NIPSNAP2: variants seen among roughly 807,000 people sequenced by gnomAD.
NIPSNAP2 encodes protein NipSnap homolog 2.
A neutral mutation model predicts 48.4 loss-of-function variants in NIPSNAP2; 42 were observed. The ratio of observed to expected loss-of-function variants is 0.87; its 90% confidence interval spans 0.68 to 1.12. The LOEUF (loss-of-function observed/expected upper bound fraction) is 1.12. NIPSNAP2 is among the 50% of genes most tolerant of loss of function. The probability of loss-of-function intolerance (pLI) is 0.00; values close to 1 mark genes in which losing one functional copy is unlikely to be tolerated. For missense variants in NIPSNAP2, 314 were observed against 347.3 expected, an observed-to-expected ratio of 0.90 and a Z score of 0.76; for synonymous variants, 158 against 126.6, an observed-to-expected ratio of 1.25 and a Z score of -1.67.
At chr7:55,984,927 GT>G in intron 7 of NIPSNAP2, 49 bp downstream of exon 7, 1 of 1,454,168 alleles carries the variant, frequency 6.9e-7, no homozygotes, top group Non-Finnish European at 9.6e-7. Flanking sequence ...GAATAGATTA[GT>G]TTAGGCCATA....
intron 9 of NIPSNAP2, among the ~76,000 whole-genome samples, chr7:55,997,685 C>G (rs1787590660): frequency 6.6e-6 from 1 of 152,062 alleles, no homozygotes; most frequent in African/African-American, 2.4e-5. Flanking sequence ...TTTTCAGACC[C>G]TTGGATGTTG....
chr7:55,970,121 G>T (rs1220660733), intron 1 of NIPSNAP2, among the ~76,000 whole-genome samples: 1 of 151,496 alleles, frequency 6.6e-6, no homozygotes, highest in East Asian at 1.9e-4. Context: ...AGCTTCTTCT[G>T]AATGCACTCC....
chr7:55,966,646 G>A (rs2116323805), intron 1 of NIPSNAP2, among the ~76,000 whole-genome samples: 1 of 152,256 alleles, frequency 6.6e-6, no homozygotes, highest in Admixed American at 6.5e-5. Context: ...GCCCGGCATG[G>A]TGGCACACGC....
intron 1 of NIPSNAP2, among the ~76,000 whole-genome samples, chr7:55,966,836 G>A (rs938422145): frequency 6.6e-6 from 1 of 152,164 alleles, no homozygotes; most frequent in African/African-American, 2.4e-5. Context: ...TGAGGCGAGA[G>A]TGTGGAGAGA....
intron 9 of NIPSNAP2, 80 bp downstream of exon 9, chr7:55,997,529 G>T: frequency 8.9e-7 from 1 of 1,125,094 alleles, no homozygotes; most frequent in South Asian, 1.3e-5. Context: ...CTAATAGGTG[G>T]GTTTTGTAAT....
At chr7:55,972,086 A>G (rs920034828) in intron 1 of NIPSNAP2, among the ~76,000 whole-genome samples, 7 of 152,102 alleles carry the variant, frequency 4.6e-5, no homozygotes, top group Non-Finnish European at 7.4e-5. Context: ...CAGGTGGATC[A>G]CCTGAGGTCA....
At chr7:55,967,643 A>ATTTG (rs1234525243) in intron 1 of NIPSNAP2, among the ~76,000 whole-genome samples, 1 of 148,442 alleles carries the variant, frequency 6.7e-6, no homozygotes. Context: ...TTATTTATTT[A>ATTTG]TTTATTTATT....
chr7:55,998,417 G>A (rs1379619443), intron 9 of NIPSNAP2, among the ~76,000 whole-genome samples: 1 of 149,506 alleles, frequency 6.7e-6, no homozygotes, highest in Non-Finnish European at 1.5e-5. Context: ...GCGAACGTTT[G>A]AGAAATCACC....
At chr7:55,992,132 A>G (rs1181136177) in intron 7 of NIPSNAP2, among the ~76,000 whole-genome samples, 1 of 152,052 alleles carries the variant, frequency 6.6e-6, no homozygotes, top group East Asian at 1.9e-4. Context: ...CATGGGGGCA[A>G]TAGCAAGAAG....
intron 3 of NIPSNAP2, chr7:55,979,698 T>A: frequency 2.2e-6 from 1 of 449,622 alleles, no homozygotes; most frequent in Admixed American, 2.4e-5. Context: ...TTTGTCAGAT[T>A]GATCTGCTTG....
chr7:55,993,458 A>C (rs1787491705), intron 7 of NIPSNAP2, among the ~76,000 whole-genome samples: 1 of 151,944 alleles, frequency 6.6e-6, no homozygotes, highest in Admixed American at 6.6e-5. Context: ...GGGCGCCTGT[A>C]ATCCCAGCTA....
chr7:55,984,482 C>A (rs1037389076), intron 6 of NIPSNAP2, among the ~76,000 whole-genome samples: 3 of 152,002 alleles, frequency 2.0e-5, no homozygotes, highest in Admixed American at 6.6e-5. Flanking sequence ...TTTGGGAAGT[C>A]AAGGCAGGTG....
rs200096153 is a variant in NIPSNAP2, at chr7:55,978,155, G to C, written c.122G>C (p.Arg41Pro). ...TGGACATCTTCCAGCAACAGATCTC[G>C]AGAAGACAGCTGGCTAAAATCCTTA... ...RTWTSSSNRS[R>P]EDSWLKSLFV... Residue 41 changes from arginine (R) to proline (P), a missense_variant, in exon 2 of 10, where the codon CGA becomes CCA. By Grantham distance (103) the Arg-to-Pro change is moderately radical (BLOSUM62 -2). Transcript: ENST00000322090. The C allele has an allele frequency of 1.2e-6, 2 of 1,613,990 alleles. No individual in the cohort carries two copies. The highest frequency in any genetic ancestry group is 1.7e-6 in the Non-Finnish European group (2 of 1,180,032).
chr7:55,991,812 A>G, intron 7 of NIPSNAP2: 1 of 259,922 alleles, frequency 3.8e-6, no homozygotes, highest in South Asian at 4.5e-5. Flanking sequence ...CATTCAATTT[A>G]TATTTTGGCA....
intron 7 of NIPSNAP2, among the ~76,000 whole-genome samples, chr7:55,991,024 C>A (rs755682188): frequency 9.2e-5 from 14 of 152,100 alleles, no homozygotes; most frequent in South Asian, 2.1e-4. Flanking sequence ...CTTCTGACTT[C>A]AAGTGATCTG....
chr7:55,973,538 C>T (rs145314994), intron 1 of NIPSNAP2, among the ~76,000 whole-genome samples: 2,317 of 152,008 alleles, frequency 0.015, 24 homozygotes, highest in Middle Eastern at 0.031. Context: ...TGCAGTGGCA[C>T]GACTTGGCTC....
chr7:55,971,609 C>T (rs939547421), intron 1 of NIPSNAP2, among the ~76,000 whole-genome samples: 1 of 151,986 alleles, frequency 6.6e-6, no homozygotes, highest in Non-Finnish European at 1.5e-5. Flanking sequence ...ACCATAAGCA[C>T]GAGCCACCAT....
chr7:55,967,968 T>C (rs1270304114), intron 1 of NIPSNAP2, among the ~76,000 whole-genome samples: 5 of 151,922 alleles, frequency 3.3e-5, no homozygotes, highest in Non-Finnish European at 7.4e-5. Context: ...TTAATTTTTT[T>C]GTAGAGAGGG....
chr7:55,969,634 A>G (rs1419018575), intron 1 of NIPSNAP2, among the ~76,000 whole-genome samples: 1 of 152,178 alleles, frequency 6.6e-6, no homozygotes. Context: ...AGTCAGGGCC[A>G]GGTTCATCTG....
Sources: gnomAD v4.1 joint callset for allele counts (sites outside exome capture counted in the v4.1 genomes callset) on GRCh38, gnomAD v4.1.1 for gene constraint, MANE v1.5 for transcripts, NCBI Gene and HGNC (gene_info 2026-07-23, HGNC 2026-07-21) for gene names.